Variants in TMEM87A observed in about 807,000 individuals in gnomAD.
TMEM87A encodes the protein transmembrane protein 87A.
A neutral mutation model predicts 90.0 loss-of-function variants in TMEM87A; 50 were observed. That is an observed-to-expected ratio of 0.56 (90% CI 0.44 to 0.70). TMEM87A has a LOEUF of 0.70. Among genes scored for constraint, TMEM87A ranks in the 30% least tolerant of loss-of-function variants. TMEM87A has a pLI of 0.00. For synonymous variants in TMEM87A, 226 were observed against 226.7 expected, an observed-to-expected ratio of 1.00 and a Z score of 0.03; for missense variants, 577 against 660.5, an observed-to-expected ratio of 0.87 and a Z score of 1.39.
At position 42,226,985 on chromosome 15, in the gene TMEM87A, C is replaced by CA. The variant is rs756576496; in HGVS notation, c.1300-77dup. On this transcript the variant is annotated intron_variant, in intron 14 of 19. Coordinates refer to ENST00000389834, the MANE Select transcript of TMEM87A (RefSeq NM_015497.5). Reference sequence around the variant, plus strand: ...TGTTCATAAAGCCTTTGGCATAGAACAAAAATCACTTATTTGTTCATTCAA... The same window carrying CA: ...TGTTCATAAAGCCTTTGGCATAGAACAAAAAATCACTTATTTGTTCATTCAA... 3.4e-5 allele frequency: 47 copies of CA among 1,372,030 alleles called. 1 individual carries two copies. The highest frequency in any genetic ancestry group is 1.2e-4 in the East Asian group (5 of 43,440). 85.0% of individuals were successfully genotyped at this position (1,372,030 alleles called of 1,614,324 possible). A position where few individuals can be genotyped will look rare whatever the true frequency, so the allele number is the denominator to read the frequency against.
chr15:42,264,699 A>ATTTTT (rs1555409717), intron 3 of TMEM87A, among the ~76,000 whole-genome samples: 1,434 of 109,422 alleles, frequency 0.013, 41 homozygotes, highest in African/African-American at 0.039. Context: ...ATATATATAT[A>ATTTTT]TTTTTTTTTT....
At chr15:42,272,035 T>C (rs954159058) in intron 2 of TMEM87A, 28 bp downstream of exon 2, 1 of 1,562,720 alleles carries the variant, frequency 6.4e-7, no homozygotes. Context: ...AAATTCAAAT[T>C]AAAACTTCAT....
chr15:42,215,575 G>A (rs2050368871), intron 19 of TMEM87A, among the ~76,000 whole-genome samples: 1 of 152,048 alleles, frequency 6.6e-6, no homozygotes, highest in African/African-American at 2.4e-5. Flanking sequence ...ATTAAAAACT[G>A]GGCCAGGGAC....
At chr15:42,269,487 G>C (rs910292387) in intron 2 of TMEM87A, among the ~76,000 whole-genome samples, 78 of 152,026 alleles carry the variant, frequency 5.1e-4, no homozygotes, top group African/African-American at 1.7e-3. Context: ...ATTGGGCTAT[G>C]AACTATTCAA....
At chr15:42,213,700 T>C (rs1160431588) in intron 19 of TMEM87A, among the ~76,000 whole-genome samples, 1 of 152,154 alleles carries the variant, frequency 6.6e-6, no homozygotes, top group Non-Finnish European at 1.5e-5. Flanking sequence ...AGAAAAGACA[T>C]AATACAGAGT....
At chr15:42,229,156 C>T (rs573893161) in intron 12 of TMEM87A, among the ~76,000 whole-genome samples, 1 of 152,154 alleles carries the variant, frequency 6.6e-6, no homozygotes, top group South Asian at 2.1e-4. Context: ...GCATGTGCCA[C>T]CATGCCTGGC....
intron 15 of TMEM87A, among the ~76,000 whole-genome samples, chr15:42,226,337 G>A (rs1262758932): frequency 1.3e-5 from 2 of 149,352 alleles, no homozygotes; most frequent in Non-Finnish European, 3.0e-5. Context: ...TGGCAATAAA[G>A]TGTTTTTAAA....
At chr15:42,223,747 T>C (rs1230095065) in intron 15 of TMEM87A, among the ~76,000 whole-genome samples, 3 of 152,000 alleles carry the variant, frequency 2.0e-5, no homozygotes, top group Non-Finnish European at 2.9e-5. Flanking sequence ...GAGACAATGA[T>C]CAATAAGCCA....
chr15:42,227,389 G>A (rs1328407457), intron 14 of TMEM87A, among the ~76,000 whole-genome samples: 2 of 152,008 alleles, frequency 1.3e-5, no homozygotes, highest in East Asian at 3.9e-4. Context: ...TTACACATAT[G>A]GTACTTAATA....
intron 6 of TMEM87A, among the ~76,000 whole-genome samples, chr15:42,256,745 C>T (rs561320121): frequency 1.2e-4 from 18 of 152,230 alleles, no homozygotes; most frequent in South Asian, 2.1e-4. Context: ...GTTTTAGAGA[C>T]GAGGTATGGC....
chr15:42,251,111 T>C (rs2051076682), intron 6 of TMEM87A, among the ~76,000 whole-genome samples: 2 of 152,248 alleles, frequency 1.3e-5, no homozygotes, highest in African/African-American at 4.8e-5. Context: ...AGGTCTTCTC[T>C]ACACTGTTTA....
intron 6 of TMEM87A, among the ~76,000 whole-genome samples, chr15:42,246,663 T>G (rs2050979137): frequency 6.6e-6 from 1 of 152,210 alleles, no homozygotes; most frequent in Admixed American, 6.5e-5. Flanking sequence ...ATGGTGTATA[T>G]GTGCCACATT....
chr15:42,265,981 T>C (rs1566942494), intron 3 of TMEM87A, among the ~76,000 whole-genome samples: 3 of 152,174 alleles, frequency 2.0e-5, no homozygotes, highest in African/African-American at 7.2e-5. Context: ...CTTTCCCCAT[T>C]GCTTGTTTTT....
intron 6 of TMEM87A, among the ~76,000 whole-genome samples, chr15:42,260,083 A>G (rs1249390846): frequency 6.6e-6 from 1 of 152,154 alleles, no homozygotes; most frequent in Non-Finnish European, 1.5e-5. Flanking sequence ...CTTTAATAAC[A>G]ACTTTTAGGC....
intron 10 of TMEM87A, among the ~76,000 whole-genome samples, chr15:42,233,815 C>T (rs961194530): frequency 5.9e-5 from 9 of 152,082 alleles, no homozygotes; most frequent in African/African-American, 2.2e-4. Flanking sequence ...CTCACTCTAT[C>T]GCCCACGCTG....
intron 19 of TMEM87A, among the ~76,000 whole-genome samples, chr15:42,215,886 A>C (rs2050375871): frequency 6.6e-6 from 1 of 152,230 alleles, no homozygotes; most frequent in African/African-American, 2.4e-5. Context: ...CCACTTCTGC[A>C]TATATACCTA....
chr15:42,244,543 A>C (rs749109666), intron 6 of TMEM87A, among the ~76,000 whole-genome samples: 3 of 151,634 alleles, frequency 2.0e-5, no homozygotes, highest in Non-Finnish European at 4.4e-5. Flanking sequence ...CCTTAAACAA[A>C]ACTTAATGAT....
chr15:42,214,809 CAAAAGCACA>C (rs2140908133), intron 19 of TMEM87A, among the ~76,000 whole-genome samples: 1 of 152,158 alleles, frequency 6.6e-6, no homozygotes, highest in East Asian at 1.9e-4. Context: ...TCTAAGACAC[CAAAAGCACA>C]AAACAAGAGC....
chr15:42,233,461 T>C (rs892286412), intron 10 of TMEM87A, among the ~76,000 whole-genome samples, 155 bp from the exon 11 acceptor site: 7 of 152,190 alleles, frequency 4.6e-5, no homozygotes, highest in Middle Eastern at 6.3e-3. Flanking sequence ...TAAGACCTTA[T>C]GGTCTTAAAA....
Sources: gnomAD v4.1 joint callset for allele counts (sites outside exome capture counted in the v4.1 genomes callset) on GRCh38, gnomAD v4.1.1 for gene constraint, MANE v1.5 for transcripts, NCBI Gene and HGNC (gene_info 2026-07-23, HGNC 2026-07-21) for gene names.